ARHGAP23: variants seen among roughly 807,000 people sequenced by gnomAD.
The protein encoded by ARHGAP23 is Rho GTPase activating protein 23.
A neutral mutation model predicts 136.3 loss-of-function variants in ARHGAP23; 34 were observed. The observed-to-expected ratio is 0.25, with a 90% confidence interval of 0.19 to 0.33. The LOEUF is 0.33. ARHGAP23 is among the 10% of genes least tolerant of loss of function. The pLI is 1.00. For missense variants in ARHGAP23, 1,808 were observed against 2,139.0 expected, an observed-to-expected ratio of 0.85 and a Z score of 3.05; for synonymous variants, 832 against 920.5, an observed-to-expected ratio of 0.90 and a Z score of 1.74.
At position 38,511,005 on chromosome 17, in the gene ARHGAP23, C is replaced by G. The variant is rs1443959216; in HGVS notation, c.*33C>G. 29 of 1,397,752 alleles carry G rather than the reference C, an allele frequency of 2.1e-5. 1 individual carries two copies. Among genetic ancestry groups the G allele is most frequent in the African/African-American group, 3.1e-5 (2 of 65,542 alleles). The allele number at this position is 1,397,752 out of a possible 1,614,324, so 86.6% of individuals were successfully genotyped here. On this transcript the variant is annotated 3_prime_UTR_variant, in exon 24 of 24. Transcript: ENST00000622683. ...CTCCCGCGCCGCTCGGGCGCCACCC[C>G]TCCCTAGAGCCCCTTTGGAACCAGG...
At chr17:38,490,889 G>A (rs1381345100) in intron 19 of ARHGAP23, among the ~76,000 whole-genome samples, 8 of 152,326 alleles carry the variant, frequency 5.3e-5, no homozygotes, top group African/African-American at 1.9e-4. Context: ...GGGAAAATGA[G>A]GGGAGTGATA....
rs1282902338 is a variant in ARHGAP23, at chr17:38,466,257, C to G, written c.574C>G (p.Arg192Gly). Residue 192 changes from arginine to glycine, a missense_variant, in exon 7 of 24, where the codon CGC becomes GGC. Transcript: ENST00000622683. ...IPEPPPICYP[R>G]KTYAPPARAS... is the part of the protein sequence containing the mutation. ...AGAGCCACCCCCGATCTGCTACCCCCGCAAGACCTACGCCCCTCCTGCCCG... is the reference window on the plus strand; with the variant it reads ...AGAGCCACCCCCGATCTGCTACCCCGGCAAGACCTACGCCCCTCCTGCCCG... The G allele has an allele frequency of 6.5e-7, 1 of 1,549,210 alleles. No homozygotes were observed. Among genetic ancestry groups the G allele is most frequent in the Non-Finnish European group, 8.7e-7 (1 of 1,146,592 alleles).
rs931753802 is a variant in ARHGAP23, at chr17:38,510,681, G to A, written c.4185G>A (p.Glu1395=). 3.5e-5 allele frequency: 49 copies of A among 1,411,992 alleles called. No individual in the cohort carries two copies. The African/African-American group carries it at 4.3e-4, about 12-fold the overall frequency. The allele number at this position is 1,411,992 out of a possible 1,614,324, so 87.5% of individuals were successfully genotyped here. Residue 1395 remains glutamate, a synonymous_variant, in exon 24 of 24, where the codon GAG becomes GAA. Coordinates refer to ENST00000622683, the MANE Select transcript of ARHGAP23 (RefSeq NM_001199417.2). This position sits in a 1 kb window ranked among gnomAD's most constrained non-coding sequence, Gnocchi z 4.6. ...AVRLRRPLSP[E]TRRRRSSWRR... is the part of the protein sequence containing the mutation. ...GCCTGCGGCGGCCGCTGTCGCCCGAGACCCGGCGGCGCCGGAGCAGCTGGC... is the reference window on the plus strand; with the variant it reads ...GCCTGCGGCGGCCGCTGTCGCCCGAAACCCGGCGGCGCCGGAGCAGCTGGC...
intron 1 of ARHGAP23, among the ~76,000 whole-genome samples, chr17:38,446,633 C>T (rs1260504980): frequency 8.4e-4 from 113 of 134,834 alleles, no homozygotes; most frequent in Non-Finnish European, 1.3e-3. Flanking sequence ...TTTTTTGAGA[C>T]GGAGTTTCAC....
chr17:38,469,747 C>G, intron 9 of ARHGAP23, 100 bp from the exon 10 acceptor site: 1 of 1,506,732 alleles, frequency 6.6e-7, no homozygotes, highest in Middle Eastern at 1.9e-4. Context: ...GTGTGCCTCC[C>G]CCGCTGGAAG....
At chr17:38,495,158 AG>A (rs760610484) in intron 20 of ARHGAP23, among the ~76,000 whole-genome samples, 12 of 152,120 alleles carry the variant, frequency 7.9e-5, no homozygotes, top group Non-Finnish European at 1.3e-4. Context: ...AGACTTACAG[AG>A]GGAAAGTAAC....
intron 1 of ARHGAP23, among the ~76,000 whole-genome samples, chr17:38,434,116 C>T (rs998604888): frequency 2.0e-5 from 3 of 152,140 alleles, no homozygotes; most frequent in East Asian, 1.9e-4. Context: ...TGAGCCACCG[C>T]GCCTGGCTGG....
intron 1 of ARHGAP23, among the ~76,000 whole-genome samples, chr17:38,431,127 G>A (rs1405915827): frequency 2.6e-5 from 4 of 152,148 alleles, no homozygotes; most frequent in African/African-American, 9.7e-5. Flanking sequence ...TGGCTTCTCA[G>A]GACCTGCTAT....
At position 38,510,589 on chromosome 17, in the gene ARHGAP23, C is replaced by A; in HGVS notation, c.4093C>A (p.Arg1365=). The A allele has an allele frequency of 2.4e-6, 3 of 1,276,314 alleles. No homozygotes were observed. The highest frequency in any genetic ancestry group is 3.0e-6 in the Non-Finnish European group (3 of 1,014,164). The allele number at this position is 1,276,314 out of a possible 1,614,324, so 79.1% of individuals were successfully genotyped here. ...LRPPAAALAS[R]PSRMEALRLR... The stretch of plus-strand genomic sequence containing the variant: ...GCCCCCGGCGGCGGCGCTGGCCTCC[C>A]GGCCCTCGCGCATGGAGGCGCTGCG... The change falls in exon 24 of 24, where the codon CGG becomes AGG. Residue 1365 remains arginine (R), a synonymous_variant. Transcript: ENST00000622683. This position sits in a 1 kb window ranked among gnomAD's most constrained non-coding sequence, Gnocchi z 4.6.
In ARHGAP23 at chr17:38,466,853, C is replaced by T. The variant is rs912399431; in HGVS notation, c.1170C>T (p.Pro390=). 3.2e-5 allele frequency: 49 copies of T among 1,549,080 alleles called. No homozygotes were observed. The highest frequency in any genetic ancestry group is 4.1e-5 in the African/African-American group (3 of 73,060). ...WASQRSSART[P]ACPTRDLPGP... ...CCCAGCGTTCGTCTGCCCGCACCCC[C>T]GCCTGCCCAACTCGGGACCTGCCAG... The change falls in exon 7 of 24, where the codon CCC becomes CCT. Residue 390 remains proline (P), a synonymous_variant. Coordinates refer to ENST00000622683, the MANE Select transcript of ARHGAP23 (RefSeq NM_001199417.2).
intron 1 of ARHGAP23, among the ~76,000 whole-genome samples, chr17:38,443,698 T>TG (rs1180213148): frequency 1.5e-3 from 26 of 17,524 alleles, no homozygotes; most frequent in Non-Finnish European, 2.6e-3. Flanking sequence ...GGTGAGGGGG[T>TG]GGGTGGTTTC....
At chr17:38,423,403 A>G (rs2038538674) in intron 1 of ARHGAP23, among the ~76,000 whole-genome samples, 1 of 150,622 alleles carries the variant, frequency 6.6e-6, no homozygotes, top group Admixed American at 6.6e-5. Context: ...ACAGAGTCTC[A>G]TTCTATCGCC....
chr17:38,493,134 A>G (rs1488691059), intron 20 of ARHGAP23, among the ~76,000 whole-genome samples: 5 of 150,040 alleles, frequency 3.3e-5, no homozygotes, highest in African/African-American at 1.2e-4. Flanking sequence ...GACTGAGTAA[A>G]TTGCTAATTG....
intron 6 of ARHGAP23, among the ~76,000 whole-genome samples, chr17:38,463,761 G>T (rs1028984309): frequency 3.9e-5 from 6 of 152,008 alleles, no homozygotes; most frequent in Non-Finnish European, 8.8e-5. Flanking sequence ...AGCACACATC[G>T]AACACTGCTC....
rs144274792 is a variant in ARHGAP23, at chr17:38,476,704, G to A, written c.2119-875G>A. Among the ~76,000 whole-genome samples, 19 of 152,300 alleles carry A rather than the reference G, an allele frequency of 1.2e-4. No individual in the cohort carries two copies. The East Asian group carries it at 1.7e-3, about 14-fold the overall frequency. On this transcript the variant is annotated intron_variant, in intron 11 of 23. Coordinates refer to ENST00000622683, the MANE Select transcript of ARHGAP23 (RefSeq NM_001199417.2). ...AGTCAGGACAAAGTTCTGGAGCTCC[G>A]CCTCCTTTAGGGCGGGGTCTCTTAC...
intron 22 of ARHGAP23, chr17:38,498,891 C>T: frequency 7.2e-6 from 5 of 697,926 alleles, no homozygotes; most frequent in South Asian, 1.5e-5. Flanking sequence ...CCGTGCTCTC[C>T]TCCCACCCCC....
At chr17:38,491,877 C>T (rs963334738) in intron 20 of ARHGAP23, 12 of 304,560 alleles carry the variant, frequency 3.9e-5, no homozygotes, top group Non-Finnish European at 7.5e-5. Context: ...AAGTTGGCCC[C>T]TGGAGAGGTG....
At chr17:38,444,344 C>T (rs538936898) in intron 1 of ARHGAP23, among the ~76,000 whole-genome samples, 2 of 152,100 alleles carry the variant, frequency 1.3e-5, no homozygotes, top group African/African-American at 2.4e-5. Flanking sequence ...CTTCATTGTG[C>T]GGGCTCATTT....
At chr17:38,483,674 G>A (rs2040097033) in intron 16 of ARHGAP23, among the ~76,000 whole-genome samples, 1 of 152,240 alleles carries the variant, frequency 6.6e-6, no homozygotes, top group African/African-American at 2.4e-5. Context: ...AGAATGAGGA[G>A]CTGAGACAAG....
Sources: allele counts gnomAD v4.1 joint callset (sites outside exome capture counted in the v4.1 genomes callset), GRCh38; gene constraint gnomAD v4.1.1; non-coding constraint Gnocchi (gnomAD v3.1); transcripts MANE v1.5; gene names NCBI Gene and HGNC (gene_info 2026-07-23, HGNC 2026-07-21).